PDZRN4: variants seen among roughly 807,000 people sequenced by gnomAD.
The protein encoded by PDZRN4 is PDZ domain containing ring finger 4.
A neutral mutation model predicts 99.0 loss-of-function variants in PDZRN4; 70 were observed. The ratio of observed to expected loss-of-function variants is 0.71; its 90% CI spans 0.58 to 0.86. The LOEUF (loss-of-function observed/expected upper bound fraction) is 0.86. Ranked by LOEUF, PDZRN4 falls within the 40% of genes least tolerant of loss-of-function variation. PDZRN4 has a pLI of 0.00. For missense variants in PDZRN4, 1,474 were observed against 1,331.2 expected (o/e 1.11, Z -1.67); for synonymous variants, 551 against 501.6 (o/e 1.10, Z -1.32).
At chr12:41,239,520 T>C (rs1033874601) in intron 3 of PDZRN4, among the ~76,000 whole-genome samples, 18 of 152,174 alleles carry the variant, frequency 1.2e-4, no homozygotes, top group Non-Finnish European at 2.4e-4. Context: ...CCTGTTCTGT[T>C]TTCCCAATTT....
intron 3 of PDZRN4, among the ~76,000 whole-genome samples, chr12:41,288,299 C>A (rs1951433666): frequency 6.6e-6 from 1 of 152,120 alleles, no homozygotes. Flanking sequence ...CCCTGGCTAA[C>A]TTTTACTCCT....
chr12:41,292,044 A>T (rs1056962168), intron 3 of PDZRN4, among the ~76,000 whole-genome samples: 2 of 152,224 alleles, frequency 1.3e-5, no homozygotes, highest in Non-Finnish European at 2.9e-5. Flanking sequence ...TCAGAGGTGA[A>T]TCAATTAATC....
At chr12:41,559,776 T>C (rs9652047) in intron 7 of PDZRN4, among the ~76,000 whole-genome samples, 19,699 of 152,170 alleles carry the variant, frequency 0.13, 1,426 homozygotes, top group South Asian at 0.28. Context: ...CTATGTGTGG[T>C]GGGAGGGACC....
chr12:41,430,040 TA>T (rs1489397201), intron 3 of PDZRN4, among the ~76,000 whole-genome samples: 4 of 152,180 alleles, frequency 2.6e-5, no homozygotes, highest in African/African-American at 9.7e-5. Context: ...TATACGGGGC[TA>T]GATTAGTAGT....
chr12:41,188,978 C>CTG lies in PDZRN4; in HGVS notation c.524_525dup (p.Ala176TrpfsTer53). ...CTGGAGGCGGCGCGAGAAGGCGCTG[C>CTG]TGGCGCAGCTCTGGGCGCTGCAGGG... On this transcript the variant is annotated frameshift_variant, in exon 1 of 10. Coordinates refer to ENST00000402685, the MANE Select transcript of PDZRN4 (RefSeq NM_001164595.2). LOFTEE classifies it high-confidence loss of function. 6.7e-7 allele frequency: 1 copy of CTG among 1,486,650 alleles called. No homozygotes were observed. Among genetic ancestry groups the CTG allele is most frequent in the Non-Finnish European group, 8.9e-7 (1 of 1,121,260 alleles). 92.1% of individuals were successfully genotyped at this position (1,486,650 alleles called of 1,614,324 possible).
intron 5 of PDZRN4, among the ~76,000 whole-genome samples, chr12:41,543,014 G>T (rs891748798): frequency 6.6e-6 from 1 of 152,032 alleles, no homozygotes; most frequent in African/African-American, 2.4e-5. Flanking sequence ...CCAGGACTTT[G>T]GTTATGAGAC....
At chr12:41,221,761 C>T (rs761296595) in intron 3 of PDZRN4, among the ~76,000 whole-genome samples, 5 of 151,994 alleles carry the variant, frequency 3.3e-5, no homozygotes, top group Non-Finnish European at 4.4e-5. Flanking sequence ...GTCTTATAGA[C>T]TTATTTGTCC....
intron 3 of PDZRN4, among the ~76,000 whole-genome samples, chr12:41,488,184 T>A (rs1015457047): frequency 6.6e-6 from 1 of 152,184 alleles, no homozygotes; most frequent in South Asian, 2.1e-4. Context: ...TTATCCAGCA[T>A]CCTAAATCCT....
At chr12:41,514,701 AGTCCCTTTCCT>A (rs1938369900) in intron 5 of PDZRN4, among the ~76,000 whole-genome samples, 1 of 152,110 alleles carries the variant, frequency 6.6e-6, no homozygotes, top group Non-Finnish European at 1.5e-5. Flanking sequence ...TGAGCCACTC[AGTCCCTTTCCT>A]CTTTTCCATA....
At chr12:41,369,870 A>C (rs1265434021) in intron 3 of PDZRN4, among the ~76,000 whole-genome samples, 1 of 151,886 alleles carries the variant, frequency 6.6e-6, no homozygotes, top group South Asian at 2.1e-4. Flanking sequence ...CTTCTATACC[A>C]GATTAATCAA....
intron 3 of PDZRN4, among the ~76,000 whole-genome samples, chr12:41,481,758 C>A (rs1288913827): frequency 6.6e-6 from 1 of 151,950 alleles, no homozygotes; most frequent in Non-Finnish European, 1.5e-5. Context: ...TATTGTTTAT[C>A]TTTTTTATGT....
chr12:41,297,546 A>C (rs1254875443), intron 3 of PDZRN4, among the ~76,000 whole-genome samples: 1 of 152,160 alleles, frequency 6.6e-6, no homozygotes, highest in African/African-American at 2.4e-5. Flanking sequence ...GACACCATTA[A>C]AATTGAGGGC....
chr12:41,462,240 A>T (rs528637566), intron 3 of PDZRN4, among the ~76,000 whole-genome samples: 2 of 152,352 alleles, frequency 1.3e-5, no homozygotes, highest in East Asian at 3.9e-4. Context: ...TGCTTTTACA[A>T]AATAGATATG....
rs192171283 is a variant in PDZRN4, at chr12:41,544,169, C to T, written c.1204-8487C>T. ...CATGTAGCAGGTGCTAGGAAAATGT[C>T]CAGTGAGTAAAGTGAATAAGTAAAA... On this transcript the variant is annotated intron_variant, in intron 5 of 9. Coordinates refer to ENST00000402685, the MANE Select transcript of PDZRN4 (RefSeq NM_001164595.2). Among the ~76,000 whole-genome samples the T allele has an allele frequency of 3.7e-3, 569 of 152,264 alleles. 9 individuals are homozygous for T. Among genetic ancestry groups the T allele is most frequent in the Admixed American group, 9.5e-3 (146 of 15,298 alleles).
intron 3 of PDZRN4, among the ~76,000 whole-genome samples, chr12:41,277,418 C>T (rs1489998488): frequency 7.2e-5 from 11 of 152,216 alleles, no homozygotes; most frequent in Non-Finnish European, 1.5e-4. Flanking sequence ...CTCACAGGCA[C>T]TGCAGAGGCG....
At chr12:41,358,002 T>C (rs188529420) in intron 3 of PDZRN4, among the ~76,000 whole-genome samples, 13 of 152,002 alleles carry the variant, frequency 8.6e-5, no homozygotes, top group Non-Finnish European at 1.9e-4. Context: ...TTGGCTGATA[T>C]TGTTACTCTG....
At chr12:41,490,793 A>G (rs914751155) in intron 3 of PDZRN4, among the ~76,000 whole-genome samples, 2 of 152,020 alleles carry the variant, frequency 1.3e-5, no homozygotes, top group African/African-American at 4.8e-5. Flanking sequence ...AAGGTCCTCT[A>G]CTTGGAACTT....
At chr12:41,252,409 T>C (rs1199944502) in intron 3 of PDZRN4, among the ~76,000 whole-genome samples, 2 of 152,176 alleles carry the variant, frequency 1.3e-5, no homozygotes, top group African/African-American at 2.4e-5. Flanking sequence ...TCCTGAGTGA[T>C]AGCAGGCAGA....
intron 3 of PDZRN4, among the ~76,000 whole-genome samples, chr12:41,281,655 G>A (rs117601619): frequency 0.015 from 2,344 of 152,148 alleles, 22 homozygotes; most frequent in Middle Eastern, 0.034. Flanking sequence ...AAGCATGAAG[G>A]CAAGATCAGA....
Sources: gnomAD v4.1 joint callset for allele counts (sites outside exome capture counted in the v4.1 genomes callset) on GRCh38, gnomAD v4.1.1 for gene constraint, MANE v1.5 for transcripts, NCBI Gene and HGNC (gene_info 2026-07-23, HGNC 2026-07-21) for gene names.